The following DENND2A variants were observed in gnomAD, a reference collection of about 807,000 sequenced individuals.
The protein encoded by DENND2A is DENN domain-containing protein 2A.
Under a neutral mutation model 105.3 loss-of-function variants are expected in DENND2A, and 53 were observed. The ratio of observed to expected loss-of-function variants is 0.50; its 90% confidence interval spans 0.40 to 0.63. The LOEUF (loss-of-function observed/expected upper bound fraction) is 0.63. Ranked by LOEUF, DENND2A falls within the 30% of genes least tolerant of loss-of-function variation. The pLI is 0.00. For missense variants in DENND2A, 1,138 were observed against 1,279.6 expected (o/e 0.89, Z 1.69); for synonymous variants, 522 against 508.4 (o/e 1.03, Z -0.36).
intron 14 of DENND2A, among the ~76,000 whole-genome samples, chr7:140,541,434 G>T (rs1796654300): frequency 6.6e-6 from 1 of 152,106 alleles, no homozygotes; most frequent in South Asian, 2.1e-4. Flanking sequence ...CTCCTGGGGG[G>T]TGCTGGGTTT....
chr7:140,613,865 A>G (rs535429001), intron 1 of DENND2A, among the ~76,000 whole-genome samples: 6 of 152,158 alleles, frequency 3.9e-5, no homozygotes, highest in Non-Finnish European at 1.5e-5. Flanking sequence ...ATGCAGACCA[A>G]CTGAGAGCTG....
At position 140,559,708 on chromosome 7, in the gene DENND2A, C is replaced by G; in HGVS notation, c.1889G>C (p.Ser630Thr). The G allele has an allele frequency of 6.2e-7, 1 of 1,613,196 alleles. No homozygotes were observed. Among genetic ancestry groups the G allele is most frequent in the Non-Finnish European group, 8.5e-7 (1 of 1,179,184 alleles). The change falls in exon 10 of 20, where the codon AGT becomes ACT. Residue 630 changes from serine to threonine, a missense_variant and splice_region_variant. By Grantham distance (58) the Ser-to-Thr change is moderately conservative. This residue lies in a region of DENND2A where 627 missense variants were observed against 779.8 expected (regional missense o/e 0.80). Coordinates refer to ENST00000496613, the MANE Select transcript of DENND2A (RefSeq NM_015689.5). The surrounding 1 kb of genome is among the most constrained non-coding windows in gnomAD (Gnocchi z 4.1). ...KDWVPVQQFT[S>T]ETFSFVLTGE... is the part of the protein sequence containing the mutation. ...GCGAAGGGGAGAAGCCAGCTCGTAC[C>G]TGGTGAACTGCTGGACAGGAACCCA...
chr7:140,593,060 T>C (rs1356666281), intron 3 of DENND2A, among the ~76,000 whole-genome samples: 1 of 152,032 alleles, frequency 6.6e-6, no homozygotes, highest in African/African-American at 2.4e-5. Context: ...ATATTTTTTT[T>C]AACTTGAAAG....
intron 5 of DENND2A, among the ~76,000 whole-genome samples, chr7:140,579,265 A>C (rs1393197230): frequency 6.6e-6 from 1 of 152,006 alleles, no homozygotes; most frequent in Non-Finnish European, 1.5e-5. Flanking sequence ...TGCACTCCAG[A>C]CTGGCGACAG....
intron 3 of DENND2A, 40 bp from the exon 4 acceptor site, chr7:140,587,820 A>G: frequency 6.6e-7 from 1 of 1,518,840 alleles, no homozygotes; most frequent in South Asian, 1.3e-5. Context: ...AAAGAATTTG[A>G]ATCAAATTAG....
rs1256080242 is a variant in DENND2A at position 140,602,341 on chromosome 7, C to T, written c.57G>A (p.Arg19=). The T allele has an allele frequency of 6.3e-7, 1 of 1,596,536 alleles. No homozygotes were observed. Among genetic ancestry groups the T allele is most frequent in the African/African-American group, 1.3e-5 (1 of 74,904 alleles). The part of the protein sequence containing the change: ...IISDPAAEAS[R]AGKKQLRGVQ... ...CACCTCTGAGCTGCTTCTTCCCAGC[C>T]CTGCTGGCTTCTGCAGCTGGGTCAC... Residue 19 remains arginine (R), a synonymous_variant, in exon 3 of 20, where the codon AGG becomes AGA. Transcript: ENST00000496613.
chr7:140,635,640 A>C (rs1265560194), intron 1 of DENND2A, among the ~76,000 whole-genome samples: 1 of 152,110 alleles, frequency 6.6e-6, no homozygotes, highest in Non-Finnish European at 1.5e-5. Context: ...TGCAAGGGTG[A>C]CCCACCCCTT....
chr7:140,629,171 G>A (rs371092252), intron 1 of DENND2A, among the ~76,000 whole-genome samples: 1 of 152,208 alleles, frequency 6.6e-6, no homozygotes, highest in Admixed American at 6.5e-5. Context: ...GGTGTCTAGG[G>A]TGAAAGGCAG....
chr7:140,587,319 A>G (rs1372031269), intron 4 of DENND2A, among the ~76,000 whole-genome samples: 1 of 152,134 alleles, frequency 6.6e-6, no homozygotes, highest in African/African-American at 2.4e-5. Flanking sequence ...CACTGGCTCA[A>G]TGTCCTGCGG....
Position 140,518,652 on chromosome 7 carries a change from CTG to C in DENND2A, c.*53_*54del. On this transcript the variant is annotated 3_prime_UTR_variant, in exon 20 of 20. Coordinates refer to ENST00000496613, the MANE Select transcript of DENND2A (RefSeq NM_015689.5). ...AGCCTTTCAGAAAGGCCACCAGGAA[CTG>C]TTTTTAAAGCATAGGGCTGCACTAG... 1 of 1,578,708 alleles carries C rather than the reference CTG, an allele frequency of 6.3e-7. No homozygotes were observed.
intron 13 of DENND2A, 180 bp from the exon 14 acceptor site, chr7:140,544,946 G>A (rs550274512): frequency 1.1e-6 from 1 of 889,606 alleles, no homozygotes; most frequent in South Asian, 5.1e-5. Flanking sequence ...CAGAAGACGG[G>A]GGGCGGAGGA....
In DENND2A at chr7:140,594,197, C is replaced by T. The variant is rs373372376; in HGVS notation, c.996-6417G>A. Among the ~76,000 whole-genome samples, 38 of 152,262 alleles carry T rather than the reference C, an allele frequency of 2.5e-4. No individual in the cohort carries two copies. The East Asian group carries it at 6.0e-3, about 24-fold the overall frequency. On this transcript the variant is annotated intron_variant, in intron 3 of 19. Coordinates refer to ENST00000496613, the MANE Select transcript of DENND2A (RefSeq NM_015689.5). ...TGTTGGGATTACAAGCGTGAGCCAC[C>T]GTGCCCGGCCTTAAACATGCAAATC...
intron 14 of DENND2A, among the ~76,000 whole-genome samples, chr7:140,536,598 G>T (rs1163888671): frequency 6.6e-6 from 1 of 152,082 alleles, no homozygotes; most frequent in Non-Finnish European, 1.5e-5. Context: ...GTATCTTGTT[G>T]GTGTTCATAT....
intron 6 of DENND2A, among the ~76,000 whole-genome samples, chr7:140,572,065 A>G (rs1267851414): frequency 6.6e-6 from 1 of 152,038 alleles, no homozygotes; most frequent in East Asian, 1.9e-4. Flanking sequence ...GTGCAGTGGC[A>G]TGATCATAGC....
Position 140,569,733 on chromosome 7 carries a change from C to A in DENND2A, c.1452G>T (p.Val484=), listed in dbSNP as rs769699327. ...CCTCATAAATGGCGTTGATTCGCAA[C>A]ACCAGCTGCCAGACACCAGGAGAAG... The part of the protein sequence containing the change: ...GRKKRKIPKL[V]LRINAIYEVR... The change falls in exon 7 of 20, where the codon GTG becomes GTT. Residue 484 remains valine, a synonymous_variant. Transcript: ENST00000496613. 21 of 1,611,232 alleles carry A rather than the reference C, an allele frequency of 1.3e-5. No homozygotes were observed. Among genetic ancestry groups the A allele is most frequent in the Middle Eastern group, 1.7e-4 (1 of 6,048 alleles).
intron 1 of DENND2A, among the ~76,000 whole-genome samples, chr7:140,637,118 G>C (rs1351065915): frequency 6.7e-6 from 1 of 150,272 alleles, no homozygotes; most frequent in African/African-American, 2.4e-5. Context: ...CCAAAGCGTT[G>C]GGATTACAGG....
In DENND2A at chr7:140,568,760, C is replaced by T. The variant is rs1413298230; in HGVS notation, c.1591+3G>A. ...AGTCCTGCACAGTAGTGGCTCTCCT[C>T]ACCTTTCAGCTTCTCCTCTGTGTCA... On this transcript the variant is annotated splice_donor_region_variant and intron_variant, in intron 8 of 19. Transcript: ENST00000496613. The T allele has an allele frequency of 3.2e-5, 52 of 1,614,048 alleles. No individual in the cohort carries two copies. Among genetic ancestry groups the T allele is most frequent in the Non-Finnish European group, 4.1e-5 (48 of 1,180,006 alleles).
intron 5 of DENND2A, among the ~76,000 whole-genome samples, chr7:140,583,110 T>C (rs1174410398): frequency 6.6e-6 from 1 of 150,570 alleles, no homozygotes; most frequent in African/African-American, 2.4e-5. Context: ...GCTAACACGG[T>C]GAAACCCCAT....
chr7:140,572,514 G>A (rs1798133606), intron 6 of DENND2A, among the ~76,000 whole-genome samples: 1 of 151,694 alleles, frequency 6.6e-6, no homozygotes, highest in African/African-American at 2.4e-5. Context: ...TGTAATCCCA[G>A]CACTTTGGGA....
Sources: allele counts gnomAD v4.1 joint callset (sites outside exome capture counted in the v4.1 genomes callset), GRCh38; gene constraint gnomAD v4.1.1; regional missense constraint gnomAD v4.1.1; non-coding constraint Gnocchi (gnomAD v3.1); transcripts MANE v1.5; gene names NCBI Gene and HGNC (gene_info 2026-07-23, HGNC 2026-07-21).